The following CPNE1 variants were observed in gnomAD, a reference collection of about 807,000 sequenced individuals.
The protein encoded by CPNE1 is copine-1.
A neutral mutation model predicts 63.2 loss-of-function variants in CPNE1; 58 were observed. The ratio of observed to expected loss-of-function variants is 0.92; its 90% CI spans 0.74 to 1.14. CPNE1 has a LOEUF of 1.14. Ranked by LOEUF, CPNE1 falls within the 50% of genes most tolerant of loss-of-function variation. The probability of loss-of-function intolerance (pLI) is 0.00; values close to 1 mark genes in which losing one functional copy is unlikely to be tolerated. For missense variants in CPNE1, 672 were observed against 661.7 expected, an observed-to-expected ratio of 1.02 and a Z score of -0.17; for synonymous variants, 237 against 249.0, an observed-to-expected ratio of 0.95 and a Z score of 0.45.
intron 1 of CPNE1, among the ~76,000 whole-genome samples, chr20:35,656,182 T>A (rs7261284): frequency 0.1 from 15,284 of 152,220 alleles, 805 homozygotes; most frequent in South Asian, 0.15. Flanking sequence ...TTTAATAAAA[T>A]TTTTTAAAGT....
At chr20:35,646,390 C>CTTTTT (rs559754204) in intron 1 of CPNE1, among the ~76,000 whole-genome samples, 1 of 122,590 alleles carries the variant, frequency 8.2e-6, no homozygotes, top group Admixed American at 8.3e-5. Flanking sequence ...AGTGACAAGG[C>CTTTTT]TTTTTTTTTT....
intron 1 of CPNE1, among the ~76,000 whole-genome samples, chr20:35,645,031 C>G (rs922492372): frequency 1.3e-5 from 2 of 152,174 alleles, no homozygotes; most frequent in Non-Finnish European, 2.9e-5. Context: ...ATGTCTATCA[C>G]CTGTGGGGTG....
intron 1 of CPNE1, among the ~76,000 whole-genome samples, chr20:35,639,225 G>A (rs1014106077): frequency 2.0e-5 from 3 of 152,138 alleles, no homozygotes; most frequent in Non-Finnish European, 4.4e-5. Context: ...AGTTGTTGAA[G>A]AAATGTGATA....
At position 35,627,403 on chromosome 20, in the gene CPNE1, G is replaced by A; in HGVS notation, c.1113C>T (p.Gly371=). 8.7e-6 allele frequency: 14 copies of A among 1,613,908 alleles called. No individual in the cohort carries two copies. Among genetic ancestry groups the A allele is most frequent in the Non-Finnish European group, 1.1e-5 (13 of 1,179,944 alleles). Residue 371 remains glycine, a synonymous_variant, in exon 14 of 16, where the codon GGC becomes GGT. Coordinates refer to ENST00000397443, the MANE Select transcript of CPNE1 (RefSeq NM_152925.3). ...GGGCTTGGCGGTAGGCATCCACAAT[G>A]CCCTGGATGCCTGCAGAGGAGAGCA... The part of the protein sequence containing the change: ...PSNPYCAGIQ[G]IVDAYRQALP...
At chr20:35,657,214 A>G (rs2033950007) in intron 1 of CPNE1, among the ~76,000 whole-genome samples, 1 of 152,240 alleles carries the variant, frequency 6.6e-6, no homozygotes, top group Non-Finnish European at 1.5e-5. Flanking sequence ...ACAAACTTCA[A>G]GAGTCAACAA....
intron 1 of CPNE1, among the ~76,000 whole-genome samples, chr20:35,662,199 A>C (rs1209901151): frequency 6.6e-6 from 1 of 152,222 alleles, no homozygotes; most frequent in Non-Finnish European, 1.5e-5. Flanking sequence ...ATTTCTAAAT[A>C]AGATATTCCT....
At chr20:35,648,276 G>A (rs925063326) in intron 1 of CPNE1, among the ~76,000 whole-genome samples, 3 of 152,104 alleles carry the variant, frequency 2.0e-5, no homozygotes, top group Non-Finnish European at 4.4e-5. Flanking sequence ...AATAAAAAAG[G>A]AAAGCCATAA....
chr20:35,661,514 T>A (rs2034229923), intron 1 of CPNE1, among the ~76,000 whole-genome samples: 1 of 152,248 alleles, frequency 6.6e-6, no homozygotes, highest in Admixed American at 6.5e-5. Flanking sequence ...AAGCCACTGA[T>A]ATACTTCAGA....
In CPNE1 at chr20:35,632,930, GA is replaced by G; in HGVS notation, c.1-8del. The G allele has an allele frequency of 1.1e-6, 1 of 870,014 alleles. No individual in the cohort carries two copies. Among genetic ancestry groups the G allele is most frequent in the Non-Finnish European group, 2.0e-6 (1 of 500,098 alleles). The allele number at this position is 870,014 out of a possible 1,614,324, so 53.9% of individuals were successfully genotyped here. A position where few individuals can be genotyped will look rare whatever the true frequency, so the allele number is the denominator to read the frequency against. Reference sequence around the variant, plus strand: ...AGGTCACGCAGTGGGCCATCTGAGGGAAAAGGAGCTGGGTCAAGCACCAGGG... The same window carrying G: ...AGGTCACGCAGTGGGCCATCTGAGGGAAAGGAGCTGGGTCAAGCACCAGGG... On this transcript the variant is annotated splice_polypyrimidine_tract_variant and splice_region_variant and intron_variant, in intron 1 of 15. Transcript: ENST00000397443.
chr20:35,627,578 T>A, intron 13 of CPNE1, 165 bp from the exon 14 acceptor site: 1 of 620,126 alleles, frequency 1.6e-6, no homozygotes, highest in Non-Finnish European at 2.6e-6. Context: ...ATGAGGAAAC[T>A]AAGGTTCAAA....
rs1253810155 is a variant in CPNE1, at chr20:35,655,292, G to T, written c.-1+9468C>A. On this transcript the variant is annotated intron_variant, in intron 1 of 15. Coordinates refer to ENST00000397443, the MANE Select transcript of CPNE1 (RefSeq NM_152925.3). ...ATGTCCATGGTCCCCGCCACAATTG[G>T]GAGACCTTGCAAACGGATGACCACA... 5.0e-6 allele frequency: 8 copies of T among 1,611,394 alleles called. No homozygotes were observed. The highest frequency in any genetic ancestry group is 6.8e-6 in the Non-Finnish European group (8 of 1,179,958).
Position 35,630,904 on chromosome 20 carries a change from T to G in CPNE1, c.992A>C (p.Asp331Ala). 4 of 1,606,174 alleles carry G rather than the reference T, an allele frequency of 2.5e-6. 1 individual carries two copies. In the South Asian group the frequency reaches 4.4e-5, roughly 18 times the overall value. The change falls in exon 11 of 16, where the codon GAC (aspartate) becomes GCC (alanine). Residue 331 changes from aspartate to alanine, a missense_variant. Coordinates refer to ENST00000397443, the MANE Select transcript of CPNE1 (RefSeq NM_152925.3). ...GCCCAGAGAAGCAGGTACTCACGAG[T>G]CATAGTCCTGAACCACGCTGCCCAC... The part of the protein sequence containing the change: ...WSVGSVVQDY[D>A]SDKLFPAFGF...
chr20:35,634,428 T>C (rs1043630364), intron 1 of CPNE1, among the ~76,000 whole-genome samples: 6 of 150,856 alleles, frequency 4.0e-5, no homozygotes, highest in African/African-American at 1.5e-4. Context: ...ACCCTGTCTC[T>C]ACTAAAAATA....
intron 1 of CPNE1, chr20:35,652,356 G>C (rs2033581359): frequency 4.2e-6 from 3 of 717,010 alleles, no homozygotes; most frequent in Non-Finnish European, 6.8e-6. Context: ...GTTTATCCTG[G>C]TGAGTGAGTC....
In CPNE1 at chr20:35,653,163, T is replaced by C. The variant is rs2033653206; in HGVS notation, c.-1+11597A>G. 5.6e-6 allele frequency: 9 copies of C among 1,613,558 alleles called. No homozygotes were observed. The South Asian group carries it at 6.6e-5, about 12-fold the overall frequency. ...CACCAAAATTACCAGGAAAGTTAAA[T>C]GGAGGCCCATTATTGGCTTCCTTTG... is the stretch of plus-strand genomic sequence containing the variant. On this transcript the variant is annotated intron_variant, in intron 1 of 15. Coordinates refer to ENST00000397443, the MANE Select transcript of CPNE1 (RefSeq NM_152925.3).
intron 1 of CPNE1, among the ~76,000 whole-genome samples, chr20:35,655,819 A>G (rs776010287): frequency 3.8e-4 from 58 of 152,228 alleles, no homozygotes; most frequent in Non-Finnish European, 6.3e-4. Flanking sequence ...GATTTTATAG[A>G]GCTCAGTCTC....
intron 14 of CPNE1, 132 bp downstream of exon 14, chr20:35,627,148 A>G (rs1353318568): frequency 7.8e-6 from 7 of 891,912 alleles, no homozygotes; most frequent in Admixed American, 3.0e-5. Context: ...AGATCGCGTC[A>G]CTGCACTCCA....
chr20:35,656,652 AGCC>A (rs1318675266), intron 1 of CPNE1, among the ~76,000 whole-genome samples: 4 of 152,206 alleles, frequency 2.6e-5, no homozygotes, highest in Non-Finnish European at 4.4e-5. Flanking sequence ...CTCCTGCCTC[AGCC>A]TCCCAAGTAG....
At chr20:35,634,043 C>T (rs532269066) in intron 1 of CPNE1, among the ~76,000 whole-genome samples, 35 of 150,368 alleles carry the variant, frequency 2.3e-4, no homozygotes, top group Non-Finnish European at 4.0e-4. Flanking sequence ...GGGTGGATCA[C>T]GAGGTCAGGA....
Sources: allele counts gnomAD v4.1 joint callset (sites outside exome capture counted in the v4.1 genomes callset), GRCh38; gene constraint gnomAD v4.1.1; transcripts MANE v1.5; gene names NCBI Gene and HGNC (gene_info 2026-07-23, HGNC 2026-07-21).